Variants in DNAJB6 observed in about 807,000 individuals in gnomAD.
The protein encoded by DNAJB6 is dnaJ homolog subfamily B member 6.
DNAJB6 carries 16 observed loss-of-function variants against 42.7 expected under a neutral mutation model. That is an observed-to-expected ratio of 0.37 (90% CI 0.25 to 0.57). The LOEUF is 0.57. DNAJB6 is among the 20% of genes least tolerant of loss of function. The pLI, the probability that DNAJB6 is intolerant of heterozygous loss-of-function variation, is 0.74. For synonymous variants in DNAJB6, 170 were observed against 163.5 expected (o/e 1.04, Z -0.30); for missense variants, 347 against 416.8 (o/e 0.83, Z 1.46).
intron 8 of DNAJB6, among the ~76,000 whole-genome samples, chr7:157,392,099 C>CAAAAAA (rs57861175): frequency 4.5e-5 from 5 of 112,240 alleles, no homozygotes; most frequent in East Asian, 5.4e-4. Context: ...GACCCTGTCT[C>CAAAAAA]AAAAAAAAAA....
chr7:157,374,474 G>A (rs1425098569), intron 5 of DNAJB6, among the ~76,000 whole-genome samples: 1 of 152,016 alleles, frequency 6.6e-6, no homozygotes, highest in Non-Finnish European at 1.5e-5. Context: ...GGTCAGGTTG[G>A]TCTCGAACTC....
Position 157,369,965 on chromosome 7 carries a change from C to A in DNAJB6, c.346+2482C>A, listed in dbSNP as rs552847925. Among the ~76,000 whole-genome samples, 270 of 145,766 alleles carry A rather than the reference C, an allele frequency of 1.9e-3. 1 individual carries two copies. Among genetic ancestry groups the A allele is most frequent in the African/African-American group, 6.9e-3 (260 of 37,712 alleles). ...ACCCTTCTTAAGATTATTAAACGGG[C>A]CCTTTCTTAACATTATTATTAAACA... is the stretch of plus-strand genomic sequence containing the variant. On this transcript the variant is annotated intron_variant, in intron 5 of 9. Transcript: ENST00000262177.
intron 1 of DNAJB6, among the ~76,000 whole-genome samples, chr7:157,350,679 C>T (rs1320062864): frequency 1.4e-5 from 2 of 146,956 alleles, no homozygotes; most frequent in African/African-American, 2.5e-5. Flanking sequence ...TACTTGGAGA[C>T]AACAACCTTT....
intron 8 of DNAJB6, among the ~76,000 whole-genome samples, chr7:157,396,537 G>A (rs1025574176): frequency 2.6e-5 from 4 of 152,194 alleles, no homozygotes; most frequent in African/African-American, 7.2e-5. Context: ...GCAGCCCAAG[G>A]CTGCAGGGAG....
intron 5 of DNAJB6, among the ~76,000 whole-genome samples, chr7:157,376,228 A>G (rs995394479): frequency 6.6e-6 from 1 of 152,130 alleles, no homozygotes; most frequent in Admixed American, 6.5e-5. Context: ...TGTTTGTTAC[A>G]TGTGTTTTGT....
intron 8 of DNAJB6, among the ~76,000 whole-genome samples, chr7:157,394,138 TA>T (rs59870503): frequency 0.045 from 6,787 of 152,354 alleles, 165 homozygotes; most frequent in African/African-American, 0.064. Context: ...CTTTTGTTCA[TA>T]AATAGGAATG....
chr7:157,351,108 A>G (rs1438875132), intron 1 of DNAJB6, among the ~76,000 whole-genome samples: 2 of 151,730 alleles, frequency 1.3e-5, no homozygotes, highest in Non-Finnish European at 2.9e-5. Context: ...TTAATTTTGT[A>G]TTTTTAGTAG....
At chr7:157,404,342 G>GT (rs1795665367) in intron 8 of DNAJB6, among the ~76,000 whole-genome samples, 1 of 151,478 alleles carries the variant, frequency 6.6e-6, no homozygotes, top group Non-Finnish European at 1.5e-5. Context: ...TTAGGCTGGA[G>GT]TGCAGTGGTG....
chr7:157,407,855 G>GT, intron 8 of DNAJB6, among the ~76,000 whole-genome samples: 1 of 152,304 alleles, frequency 6.6e-6, no homozygotes, highest in South Asian at 2.1e-4. Context: ...CACGTCCTGG[G>GT]TGTCCCTGTC....
intron 1 of DNAJB6, among the ~76,000 whole-genome samples, chr7:157,355,652 A>G (rs932411247): frequency 6.6e-6 from 1 of 152,214 alleles, no homozygotes; most frequent in Non-Finnish European, 1.5e-5. Flanking sequence ...GGATGAGTCC[A>G]GGCAAGGAAG....
At chr7:157,404,541 C>T (rs181138647) in intron 8 of DNAJB6, among the ~76,000 whole-genome samples, 18 of 129,406 alleles carry the variant, frequency 1.4e-4, no homozygotes, top group African/African-American at 5.0e-4. Flanking sequence ...TAAGGAGTCT[C>T]GCTCTGTTGC....
At chr7:157,379,159 T>C (rs554766173) in intron 5 of DNAJB6, 1 of 152,290 alleles carries the variant, frequency 6.6e-6, no homozygotes, top group East Asian at 1.9e-4. Flanking sequence ...GTAGCTTCTG[T>C]AGATGATGAT....
intron 2 of DNAJB6, among the ~76,000 whole-genome samples, chr7:157,358,918 T>TG (rs1799441652): frequency 6.6e-6 from 1 of 152,216 alleles, no homozygotes; most frequent in Non-Finnish European, 1.5e-5. Flanking sequence ...ACTTTGAAAA[T>TG]GGAGCTGACT....
chr7:157,351,661 CAAAAA>C (rs996992597), intron 1 of DNAJB6, among the ~76,000 whole-genome samples: 139 of 36,414 alleles, frequency 3.8e-3, no homozygotes, highest in African/African-American at 9.3e-3. Context: ...ACAACAACAA[CAAAAA>C]AAACCACAAA....
intron 8 of DNAJB6, among the ~76,000 whole-genome samples, chr7:157,396,410 C>T (rs564085748): frequency 9.2e-5 from 14 of 152,348 alleles, no homozygotes; most frequent in African/African-American, 3.4e-4. Flanking sequence ...ATAAAAATCA[C>T]ACTTAGACTT....
At chr7:157,338,861 C>G (rs1798190497) in intron 1 of DNAJB6, among the ~76,000 whole-genome samples, 2 of 152,162 alleles carry the variant, frequency 1.3e-5, no homozygotes, top group Admixed American at 1.3e-4. Context: ...GGTTGGGAAG[C>G]TTTTGGAAAG....
intron 8 of DNAJB6, among the ~76,000 whole-genome samples, chr7:157,387,858 T>C (rs1336394692): frequency 2.0e-5 from 3 of 152,074 alleles, no homozygotes; most frequent in Admixed American, 2.0e-4. Flanking sequence ...GTTTGTTTGT[T>C]TTTTTGAGAC....
At chr7:157,393,325 A>G (rs892391715) in intron 8 of DNAJB6, among the ~76,000 whole-genome samples, 4 of 152,216 alleles carry the variant, frequency 2.6e-5, no homozygotes, top group African/African-American at 9.7e-5. Flanking sequence ...TTACAATTGG[A>G]AAACTCTATA....
intron 1 of DNAJB6, among the ~76,000 whole-genome samples, chr7:157,349,014 C>T (rs535363437): frequency 1.1e-4 from 17 of 152,292 alleles, no homozygotes; most frequent in African/African-American, 3.8e-4. Flanking sequence ...ACCATCTCCC[C>T]AGCACTCTGT....
Sources: gnomAD v4.1 joint callset for allele counts (sites outside exome capture counted in the v4.1 genomes callset) on GRCh38, gnomAD v4.1.1 for gene constraint, MANE v1.5 for transcripts, NCBI Gene and HGNC (gene_info 2026-07-23, HGNC 2026-07-21) for gene names.